Variants in KLF12 observed in about 807,000 individuals in gnomAD.
The protein encoded by KLF12 is Krueppel-like factor 12.
A neutral mutation model predicts 37.8 loss-of-function variants in KLF12; 9 were observed. The ratio of observed to expected loss-of-function variants is 0.24; its 90% CI spans 0.14 to 0.42. The LOEUF is 0.42. Ranked by LOEUF, KLF12 falls within the 10% of genes least tolerant of loss-of-function variation. The pLI, the probability that KLF12 is intolerant of heterozygous loss-of-function variation, is 1.00. For missense variants in KLF12, 411 were observed against 516.0 expected (o/e 0.80, Z 1.97); for synonymous variants, 208 against 202.1 (o/e 1.03, Z -0.25).
At chr13:74,263,153 A>G in the KLF12 span, among the ~76,000 whole-genome samples, 41 of 152,320 alleles carry the variant, frequency 2.7e-4, no homozygotes, top group African/African-American at 9.6e-4. Flanking sequence ...AGTTCTTTAT[A>G]CTTCTAACTA....
chr13:74,076,372 A>G (rs1874563150), intron 1 of KLF12, among the ~76,000 whole-genome samples: 1 of 152,202 alleles, frequency 6.6e-6, no homozygotes, highest in South Asian at 2.1e-4. Flanking sequence ...TGGAAAGTCC[A>G]AGATCAAGGG....
intron 4 of KLF12, among the ~76,000 whole-genome samples, chr13:73,834,858 C>A (rs1884347518): frequency 6.6e-6 from 1 of 152,172 alleles, no homozygotes; most frequent in Non-Finnish European, 1.5e-5. Flanking sequence ...GCACTGGTAT[C>A]CTTGCTCAGT....
intron 5 of KLF12, among the ~76,000 whole-genome samples, chr13:73,769,996 T>C (rs1269049884): frequency 6.6e-6 from 1 of 152,166 alleles, no homozygotes; most frequent in African/African-American, 2.4e-5. Flanking sequence ...ACCATTTAGG[T>C]TATATAATCA....
chr13:74,178,603 A>C, the KLF12 span, among the ~76,000 whole-genome samples: 1 of 152,234 alleles, frequency 6.6e-6, no homozygotes, highest in African/African-American at 2.4e-5. Context: ...AGTTGACATT[A>C]AATTTCAGGA....
At chr13:74,163,628 T>C in the KLF12 span, among the ~76,000 whole-genome samples, 130 of 152,052 alleles carry the variant, frequency 8.5e-4, no homozygotes, top group African/African-American at 2.7e-3. Context: ...GTACAAAAAA[T>C]GAAAAGGAGA....
chr13:73,839,017 T>C (rs1884589229), intron 4 of KLF12, among the ~76,000 whole-genome samples: 1 of 152,110 alleles, frequency 6.6e-6, no homozygotes, highest in South Asian at 2.1e-4. Context: ...TCAAGGTTAC[T>C]GGCTCAGGTA....
chr13:74,266,106 T>C, the KLF12 span, among the ~76,000 whole-genome samples: 17 of 152,274 alleles, frequency 1.1e-4, no homozygotes, highest in African/African-American at 4.1e-4. Flanking sequence ...CTCCTGGCAA[T>C]CAGTCCAGGC....
chr13:73,732,949 T>A (rs931351676), intron 6 of KLF12, among the ~76,000 whole-genome samples: 13 of 151,640 alleles, frequency 8.6e-5, no homozygotes, highest in African/African-American at 3.2e-4. Flanking sequence ...AAAACAGGGG[T>A]CCCTCATGAT....
chr13:74,257,023 T>C, the KLF12 span: 1 of 152,138 alleles, frequency 6.6e-6, no homozygotes, highest in Non-Finnish European at 1.5e-5. Context: ...TTTTGCCTTA[T>C]GGAATTGTCA....
At chr13:73,906,156 AG>A (rs772829880) in intron 3 of KLF12, among the ~76,000 whole-genome samples, 72 of 152,242 alleles carry the variant, frequency 4.7e-4, no homozygotes, top group Non-Finnish European at 9.6e-4. Context: ...ATGCTCTAAA[AG>A]GAAAAAAATA....
chr13:73,850,996 T>C (rs917724312), intron 3 of KLF12, among the ~76,000 whole-genome samples: 3 of 152,236 alleles, frequency 2.0e-5, no homozygotes, highest in Non-Finnish European at 2.9e-5. Context: ...CCTTGTTGTT[T>C]ATTAGCTGTG....
the KLF12 span, among the ~76,000 whole-genome samples, chr13:74,148,251 C>T: frequency 6.6e-6 from 1 of 151,938 alleles, no homozygotes; most frequent in African/African-American, 2.4e-5. Context: ...TTTTCCTTCT[C>T]CACTGAATTC....
the KLF12 span, among the ~76,000 whole-genome samples, chr13:74,270,233 A>G: frequency 6.6e-6 from 1 of 152,144 alleles, no homozygotes; most frequent in Non-Finnish European, 1.5e-5. Flanking sequence ...GATTCATGGC[A>G]GACTCCTAGG....
chr13:74,277,560 G>A, the KLF12 span, among the ~76,000 whole-genome samples: 2 of 152,192 alleles, frequency 1.3e-5, no homozygotes, highest in African/African-American at 4.8e-5. Context: ...AGAGAGGCAT[G>A]TGAAAATAAC....
At chr13:73,833,950 C>T (rs1884298779) in intron 4 of KLF12, among the ~76,000 whole-genome samples, 3 of 152,186 alleles carry the variant, frequency 2.0e-5, no homozygotes, top group Non-Finnish European at 4.4e-5. Context: ...TCCTAAGCAT[C>T]TCACACAAAA....
At chr13:73,829,940 C>T (rs1884062379) in intron 4 of KLF12, among the ~76,000 whole-genome samples, 1 of 152,098 alleles carries the variant, frequency 6.6e-6, no homozygotes, top group African/African-American at 2.4e-5. Flanking sequence ...CTGTTTATAT[C>T]AGATCACACA....
chr13:73,806,308 T>C (rs1882625149), intron 5 of KLF12, among the ~76,000 whole-genome samples: 3 of 151,804 alleles, frequency 2.0e-5, no homozygotes, highest in African/African-American at 4.8e-5. Flanking sequence ...TTCACCACGT[T>C]GGCCAGGCTG....
chr13:74,055,572 T>C (rs1178331289), intron 1 of KLF12, among the ~76,000 whole-genome samples: 2 of 152,178 alleles, frequency 1.3e-5, no homozygotes, highest in Non-Finnish European at 2.9e-5. Flanking sequence ...ATAGGCACAG[T>C]CAACCTTCCA....
chr13:73,786,827 A>G (rs1881384269), intron 5 of KLF12, among the ~76,000 whole-genome samples: 1 of 151,128 alleles, frequency 6.6e-6, no homozygotes, highest in African/African-American at 2.4e-5. Flanking sequence ...TGGGAGGCTG[A>G]GGTGCGAGGA....
Sources: gnomAD v4.1 joint callset for allele counts (sites outside exome capture counted in the v4.1 genomes callset) on GRCh38, gnomAD v4.1.1 for gene constraint, MANE v1.5 for transcripts, NCBI Gene and HGNC (gene_info 2026-07-23, HGNC 2026-07-21) for gene names.